The following VWDE variants were observed in gnomAD, a reference collection of about 807,000 sequenced individuals.
The protein encoded by VWDE is von Willebrand factor D and EGF domains.
In VWDE, 207 loss-of-function variants were observed where a neutral mutation model predicts 178.4. The observed-to-expected ratio is 1.16, with a 90% CI of 1.04 to 1.30. The LOEUF is 1.30. Ranked by LOEUF, VWDE falls within the 50% of genes most tolerant of loss-of-function variation. The pLI is 0.00. For missense variants in VWDE, 2,287 were observed against 1,901.3 expected, an observed-to-expected ratio of 1.20 and a Z score of -3.77; for synonymous variants, 738 against 651.4, an observed-to-expected ratio of 1.13 and a Z score of -2.02.
At chr7:12,336,293 A>G in intron 26 of VWDE, 57 bp from the exon 27 acceptor site, 2 of 1,408,904 alleles carry the variant, frequency 1.4e-6, no homozygotes, top group East Asian at 5.0e-5. Flanking sequence ...AATCCTATCC[A>G]TAACCCACAA....
At chr7:12,370,632 G>T in intron 11 of VWDE, 24 bp downstream of exon 11, 3 of 1,546,012 alleles carry the variant, frequency 1.9e-6, no homozygotes, top group Non-Finnish European at 2.6e-6. Flanking sequence ...TAATATAATC[G>T]CAAGTGGAAA....
At chr7:12,357,580 A>T in intron 16 of VWDE, 65 bp from the exon 17 acceptor site, 1 of 1,498,032 alleles carries the variant, frequency 6.7e-7, no homozygotes, top group Admixed American at 2.1e-5. Flanking sequence ...TACTTCTGAG[A>T]GCTCCCACAG....
chr7:12,339,671 T>C (rs1020430687), intron 24 of VWDE, among the ~76,000 whole-genome samples: 6 of 152,174 alleles, frequency 3.9e-5, no homozygotes, highest in African/African-American at 9.6e-5. Context: ...ACATGTTCTA[T>C]AGTAAAAATC....
At position 12,358,940 on chromosome 7, in the gene VWDE, T is replaced by C. The variant is rs76762638; in HGVS notation, c.3274+638A>G. On this transcript the variant is annotated intron_variant, in intron 16 of 28. Transcript: ENST00000275358. ...AAATATGCACATACAATTATAATGA[T>C]ATTACACAGCATTGTATAAATATAA... Among the ~76,000 whole-genome samples the C allele has an allele frequency of 1.0e-3, 155 of 152,318 alleles. 1 individual carries two copies. Among genetic ancestry groups the C allele is most frequent in the Non-Finnish European group, 1.7e-3 (114 of 68,032 alleles).
chr7:12,361,439 A>T lies in VWDE; in HGVS notation c.2981T>A (p.Leu994Gln). The T allele has an allele frequency of 6.4e-7, 1 of 1,551,284 alleles. No homozygotes were observed. The highest frequency in any genetic ancestry group is 1.4e-5 in the African/African-American group (1 of 73,142). ...ATCAAACTGCTGAACATCAGTGGGC[A>T]GCTGACAATCAACAGCTCTGCTATT... ...FHNSRAVDCQ[L>Q]PTDVQQFDTM... Residue 994 changes from leucine to glutamine, a missense_variant, in exon 14 of 29, where the codon CTG (leucine) becomes CAG (glutamine). Leu to Gln is a moderately radical substitution (Grantham distance 113). Coordinates refer to ENST00000275358, the MANE Select transcript of VWDE (RefSeq NM_001135924.3).
intron 10 of VWDE, 66 bp downstream of exon 10, chr7:12,372,911 A>T: frequency 7.0e-7 from 1 of 1,422,956 alleles, no homozygotes; most frequent in Non-Finnish European, 9.5e-7. Flanking sequence ...CTCCTAATTT[A>T]ATAGAGATGT....
At chr7:12,342,218 A>G (rs1781373912) in intron 22 of VWDE, 64 bp from the exon 23 acceptor site, 1 of 1,326,028 alleles carries the variant, frequency 7.5e-7, no homozygotes, top group Non-Finnish European at 1.1e-6. Context: ...GTTGGTTATT[A>G]TCTAGCTAGC....
Position 12,330,983 on chromosome 7 carries a change from C to G in VWDE, c.*200G>C. The G allele has an allele frequency of 2.0e-6, 1 of 499,982 alleles. No homozygotes were observed. The highest frequency in any genetic ancestry group is 3.5e-6 in the Non-Finnish European group (1 of 282,860). The allele number at this position is 499,982 out of a possible 1,614,324, so 31.0% of individuals were successfully genotyped here. A position where few individuals can be genotyped will look rare whatever the true frequency, so the allele number is the denominator to read the frequency against. On this transcript the variant is annotated 3_prime_UTR_variant, in exon 29 of 29. Transcript: ENST00000275358. ...TAAATATCCTATCCCATCTCAACAT[C>G]AAATTTAGATTACCTGGATTTCTTC...
intron 4 of VWDE, among the ~76,000 whole-genome samples, chr7:12,382,889 C>A (rs1349087221): frequency 6.6e-6 from 1 of 151,278 alleles, no homozygotes; most frequent in Non-Finnish European, 1.5e-5. Flanking sequence ...TTTGAAAAAA[C>A]TTTAAAATAT....
chr7:12,391,712 A>G (rs1193038654), intron 2 of VWDE, among the ~76,000 whole-genome samples: 4 of 152,192 alleles, frequency 2.6e-5, no homozygotes, highest in Non-Finnish European at 5.9e-5. Flanking sequence ...AAAATTAAAC[A>G]CTGTTAAAAT....
At chr7:12,389,079 G>A (rs1330158469) in intron 3 of VWDE, 48 bp downstream of exon 3, 18 of 1,246,142 alleles carry the variant, frequency 1.4e-5, no homozygotes, top group Non-Finnish European at 1.8e-5. Flanking sequence ...GGTACGAATG[G>A]CAGAGTTCCA....
chr7:12,393,470 T>C (rs1035950135), intron 2 of VWDE, 124 bp downstream of exon 2: 8 of 803,060 alleles, frequency 1.0e-5, no homozygotes, highest in Non-Finnish European at 1.5e-5. Context: ...GTCTTTCAGA[T>C]TAACTCAATA....
chr7:12,398,493 C>A (rs1385446675), intron 1 of VWDE, among the ~76,000 whole-genome samples: 2 of 152,122 alleles, frequency 1.3e-5, no homozygotes, highest in African/African-American at 4.8e-5. Context: ...TTCCTGTATT[C>A]CTACATGTAG....
At chr7:12,397,839 G>A (rs772713408) in intron 1 of VWDE, among the ~76,000 whole-genome samples, 12 of 151,970 alleles carry the variant, frequency 7.9e-5, no homozygotes, top group Admixed American at 1.3e-4. Context: ...TCAAAGAAAC[G>A]CAAATCAAAA....
intron 27 of VWDE, chr7:12,333,869 T>A: frequency 4.5e-6 from 1 of 220,258 alleles, no homozygotes; most frequent in Non-Finnish European, 8.8e-6. Flanking sequence ...TCTCTTTTTT[T>A]TTCTAGAGGA....
At chr7:12,376,475 G>C (rs1028302678) in intron 7 of VWDE, among the ~76,000 whole-genome samples, 1 of 151,972 alleles carries the variant, frequency 6.6e-6, no homozygotes, top group Non-Finnish European at 1.5e-5. Flanking sequence ...ATATATTTAG[G>C]CTATTATTAT....
At position 12,351,631 on chromosome 7, in the gene VWDE, A is replaced by T. The variant is rs1236185591; in HGVS notation, c.3828T>A (p.Asp1276Glu). ...TCTTTCTCCCTTGGGCATTTTTATCATCCTCTTCTTTATTTACACTTTTAT... is the reference window on the plus strand; with the variant it reads ...TCTTTCTCCCTTGGGCATTTTTATCTTCCTCTTCTTTATTTACACTTTTAT... ...RSDKSVNKEE[D>E]DKNAQGRKRH... The change falls in exon 19 of 29, where the codon GAT (aspartate) becomes GAA (glutamate). Residue 1276 changes from aspartate (D) to glutamate (E), a missense_variant. Coordinates refer to ENST00000275358, the MANE Select transcript of VWDE (RefSeq NM_001135924.3). 3.2e-6 allele frequency: 5 copies of T among 1,547,904 alleles called. No individual in the cohort carries two copies. Among genetic ancestry groups the T allele is most frequent in the Admixed American group, 3.9e-5 (2 of 50,724 alleles).
chr7:12,347,350 G>C (rs1341216262), intron 19 of VWDE, among the ~76,000 whole-genome samples: 11 of 152,090 alleles, frequency 7.2e-5, no homozygotes, highest in Non-Finnish European at 1.5e-4. Context: ...GCATATGTTA[G>C]CAAATGTATG....
rs888971141 is a variant in VWDE, at chr7:12,361,447, A to G, written c.2973T>C (p.Asp991=). 3 of 1,551,244 alleles carry G rather than the reference A, an allele frequency of 1.9e-6. No homozygotes were observed. Among genetic ancestry groups the G allele is most frequent in the Admixed American group, 2.0e-5 (1 of 50,976 alleles). ...GCTGAACATCAGTGGGCAGCTGACA[A>G]TCAACAGCTCTGCTATTGTGGAAAA... is the stretch of plus-strand genomic sequence containing the variant. ...QTVFHNSRAV[D]CQLPTDVQQF... is the part of the protein sequence containing the mutation. Residue 991 remains aspartate, a synonymous_variant, in exon 14 of 29, where the codon GAT becomes GAC. Transcript: ENST00000275358.
Sources: allele counts gnomAD v4.1 joint callset (sites outside exome capture counted in the v4.1 genomes callset), GRCh38; gene constraint gnomAD v4.1.1; transcripts MANE v1.5; gene names NCBI Gene and HGNC (gene_info 2026-07-23, HGNC 2026-07-21).